Variants in MFHAS1 observed in about 807,000 individuals in gnomAD.
MFHAS1 encodes malignant fibrous histiocytoma-amplified sequence 1.
MFHAS1 carries 50 observed loss-of-function variants against 70.4 expected under a neutral mutation model. The observed-to-expected ratio is 0.71, with a 90% confidence interval of 0.57 to 0.90. MFHAS1 has a LOEUF of 0.90. Ranked by LOEUF, MFHAS1 falls within the 40% of genes least tolerant of loss-of-function variation. The pLI, the probability that MFHAS1 is intolerant of heterozygous loss-of-function variation, is 0.00. For missense variants in MFHAS1, 1,795 were observed against 1,347.6 expected, an observed-to-expected ratio of 1.33 and a Z score of -5.20; for synonymous variants, 952 against 620.0, an observed-to-expected ratio of 1.54 and a Z score of -7.96.
chr8:8,807,834 A>T (rs1228582264), intron 1 of MFHAS1, among the ~76,000 whole-genome samples: 2 of 152,234 alleles, frequency 1.3e-5, no homozygotes, highest in African/African-American at 4.8e-5. Flanking sequence ...GTAACAATTT[A>T]AAAAGCAAAA....
chr8:8,823,634 A>G (rs1041939858), intron 1 of MFHAS1, among the ~76,000 whole-genome samples: 2 of 151,640 alleles, frequency 1.3e-5, no homozygotes, highest in Non-Finnish European at 1.5e-5. Flanking sequence ...TCGCCTAAAT[A>G]GGGCACACAA....
Position 8,891,522 on chromosome 8 carries a change from G to A in MFHAS1, c.1537C>T (p.Pro513Ser). The change falls in exon 1 of 3, where the codon CCT becomes TCT. Residue 513 changes from proline (P) to serine (S), a missense_variant. Coordinates refer to ENST00000276282, the MANE Select transcript of MFHAS1 (RefSeq NM_004225.3). The surrounding 1 kb of genome is among the most constrained non-coding windows in gnomAD (Gnocchi z 5.4). ...TGCAAGAAGGAGCCCACGGTGGTAGGAAAGTGGCGAGGCTCATAGGTGGCC... is the reference window on the plus strand; with the variant it reads ...TGCAAGAAGGAGCCCACGGTGGTAGAAAAGTGGCGAGGCTCATAGGTGGCC... Reference protein sequence around the residue: ...NLATYEPRHFPTTVGSFLHRV... With the variant: ...NLATYEPRHFSTTVGSFLHRV... The A allele has an allele frequency of 1.2e-6, 2 of 1,613,078 alleles. No individual in the cohort carries two copies. The highest frequency in any genetic ancestry group is 1.7e-6 in the Non-Finnish European group (2 of 1,180,036).
At position 8,893,303 on chromosome 8, in the gene MFHAS1, G is replaced by A. The variant is rs1344339744; in HGVS notation, c.-245C>T. 2 of 148,920 alleles carry A rather than the reference G, an allele frequency of 1.3e-5. No individual in the cohort carries two copies. The highest frequency in any genetic ancestry group is 4.9e-5 in the African/African-American group (2 of 40,620). 9.2% of individuals were successfully genotyped at this position (148,920 alleles called of 1,614,324 possible). A position where few individuals can be genotyped will look rare whatever the true frequency, so the allele number is the denominator to read the frequency against. ...GCATTCTCCCTGCGGCCGGGCCATG[G>A]GCGCGCCGGGCAGCAGGGCCGCCGC... On this transcript the variant is annotated 5_prime_UTR_variant, in exon 1 of 3. Coordinates refer to ENST00000276282, the MANE Select transcript of MFHAS1 (RefSeq NM_004225.3).
chr8:8,869,848 T>G (rs1230018385), intron 1 of MFHAS1, among the ~76,000 whole-genome samples: 1 of 152,180 alleles, frequency 6.6e-6, no homozygotes, highest in Non-Finnish European at 1.5e-5. Flanking sequence ...CCCAGGACTC[T>G]GCCTCATTAA....
At chr8:8,835,544 T>C (rs1321484529) in intron 1 of MFHAS1, among the ~76,000 whole-genome samples, 1 of 152,204 alleles carries the variant, frequency 6.6e-6, no homozygotes, top group African/African-American at 2.4e-5. Flanking sequence ...GAAATGAAAA[T>C]TGAAACTAAA....
chr8:8,867,892 A>C (rs1306011898), intron 1 of MFHAS1, among the ~76,000 whole-genome samples: 1 of 151,770 alleles, frequency 6.6e-6, no homozygotes, highest in African/African-American at 2.4e-5. Flanking sequence ...CAGGTTAAAA[A>C]CCCTGGGATC....
At chr8:8,831,017 C>T (rs1465016043) in intron 1 of MFHAS1, among the ~76,000 whole-genome samples, 1 of 152,144 alleles carries the variant, frequency 6.6e-6, no homozygotes, top group Non-Finnish European at 1.5e-5. Context: ...TGTAGTTTCT[C>T]ACAGTCCAGA....
At chr8:8,852,784 C>G (rs989521275) in intron 1 of MFHAS1, among the ~76,000 whole-genome samples, 4 of 152,186 alleles carry the variant, frequency 2.6e-5, no homozygotes, top group African/African-American at 4.8e-5. Context: ...ATGCAAAGCT[C>G]TAGCTTGGCT....
intron 1 of MFHAS1, among the ~76,000 whole-genome samples, chr8:8,837,823 G>C (rs1271215663): frequency 6.6e-6 from 1 of 152,144 alleles, no homozygotes; most frequent in African/African-American, 2.4e-5. Flanking sequence ...TGCACTGTGG[G>C]TGGGAATGTA....
At chr8:8,865,481 T>C (rs1194209111) in intron 1 of MFHAS1, among the ~76,000 whole-genome samples, 1 of 152,044 alleles carries the variant, frequency 6.6e-6, no homozygotes, top group Non-Finnish European at 1.5e-5. Context: ...TAGGAGTTAC[T>C]ACCCTAACTC....
At position 8,890,335 on chromosome 8, in the gene MFHAS1, G is replaced by A. The variant is rs777138479; in HGVS notation, c.2724C>T (p.His908=). ...YSVQINSHVV[H]RSDGKFQIFA... is the part of the protein sequence containing the mutation. The stretch of plus-strand genomic sequence containing the variant: ...AGATCTGAAATTTACCATCCGACCT[G>A]TGCACCACATGGCTGTTGATCTGGA... The change falls in exon 1 of 3, where the codon CAC becomes CAT. Residue 908 remains histidine, a synonymous_variant. Coordinates refer to ENST00000276282, the MANE Select transcript of MFHAS1 (RefSeq NM_004225.3). 5.0e-6 allele frequency: 8 copies of A among 1,614,098 alleles called. No homozygotes were observed. Among genetic ancestry groups the A allele is most frequent in the Non-Finnish European group, 4.2e-6 (5 of 1,180,050 alleles).
intron 1 of MFHAS1, among the ~76,000 whole-genome samples, chr8:8,868,593 C>A (rs1808951072): frequency 6.6e-6 from 1 of 151,884 alleles, no homozygotes; most frequent in Admixed American, 6.6e-5. Flanking sequence ...TGGATCAGCC[C>A]AACAAATGAG....
chr8:8,788,622 T>G (rs1311605135), intron 2 of MFHAS1, among the ~76,000 whole-genome samples: 1 of 152,200 alleles, frequency 6.6e-6, no homozygotes, highest in Non-Finnish European at 1.5e-5. Flanking sequence ...GAGGGTGCAG[T>G]GAACCAAGAT....
chr8:8,855,792 G>A (rs1808416925), intron 1 of MFHAS1, among the ~76,000 whole-genome samples: 1 of 152,162 alleles, frequency 6.6e-6, no homozygotes, highest in Admixed American at 6.5e-5. Flanking sequence ...GGAGGCTGAG[G>A]TTGCAGTGAG....
chr8:8,836,571 T>C (rs1585043553), intron 1 of MFHAS1, among the ~76,000 whole-genome samples: 1 of 152,056 alleles, frequency 6.6e-6, no homozygotes, highest in Non-Finnish European at 1.5e-5. Context: ...GGAGGCAGGG[T>C]CTTCCTATGT....
Position 8,893,503 on chromosome 8 carries a change from C to CGGGCGCAGGGCTG in MFHAS1, c.-458_-446dup, listed in dbSNP as rs1810185826. 2 of 145,826 alleles carry CGGGCGCAGGGCTG rather than the reference C, an allele frequency of 1.4e-5. No homozygotes were observed. The highest frequency in any genetic ancestry group is 6.8e-5 in the Admixed American group (1 of 14,692). The allele number at this position is 145,826 out of a possible 1,614,324, so 9.0% of individuals were successfully genotyped here. ...GCTCGGCCCGGCGGCGGGCATGCTG[C>CGGGCGCAGGGCTG]GGGCGCAGGGCTGGGGCGCAGCCGC... is the stretch of plus-strand genomic sequence containing the variant. On this transcript the variant is annotated 5_prime_UTR_variant, in exon 1 of 3. Transcript: ENST00000276282.
intron 1 of MFHAS1, among the ~76,000 whole-genome samples, chr8:8,870,698 T>G (rs187401545): frequency 9.4e-4 from 143 of 152,180 alleles, no homozygotes; most frequent in African/African-American, 3.1e-3. Context: ...TCCGAGCCCC[T>G]GGAGATCTTT....
At chr8:8,869,951 A>C (rs1367302890) in intron 1 of MFHAS1, among the ~76,000 whole-genome samples, 1 of 151,778 alleles carries the variant, frequency 6.6e-6, no homozygotes, top group Non-Finnish European at 1.5e-5. Context: ...GGTCCCTCTG[A>C]CTCCATTCTT....
In MFHAS1 at chr8:8,890,258, C is replaced by A; in HGVS notation, c.2801G>T (p.Gly934Val). The change falls in exon 1 of 3, where the codon GGA becomes GTA. Residue 934 changes from glycine (G) to valine (V), a missense_variant. By Grantham distance (109) the Gly-to-Val change is moderately radical (BLOSUM62 -3). Coordinates refer to ENST00000276282, the MANE Select transcript of MFHAS1 (RefSeq NM_004225.3). Reference protein sequence around the residue: ...PVVVSYRPARGVLQPDTLSIA... With the variant: ...PVVVSYRPARVVLQPDTLSIA... ...GGACAGGGTGTCTGGCTGCAGGACT[C>A]CCCTGGCAGGTCTGTAACTCACAAC... The A allele has an allele frequency of 6.2e-7, 1 of 1,614,118 alleles. No individual in the cohort carries two copies. The highest frequency in any genetic ancestry group is 8.5e-7 in the Non-Finnish European group (1 of 1,180,002).
Sources: gnomAD v4.1 joint callset for allele counts (sites outside exome capture counted in the v4.1 genomes callset) on GRCh38, gnomAD v4.1.1 for gene constraint, Gnocchi (gnomAD v3.1) non-coding constraint, MANE v1.5 for transcripts, NCBI Gene and HGNC (gene_info 2026-07-23, HGNC 2026-07-21) for gene names.